SHC4: variants seen among roughly 807,000 people sequenced by gnomAD.
The protein encoded by SHC4 is SHC-transforming protein 4.
A neutral mutation model predicts 69.4 loss-of-function variants in SHC4; 41 were observed. That is an observed-to-expected ratio of 0.59 (90% CI 0.46 to 0.77). SHC4 has a LOEUF of 0.77. Among genes scored for constraint, SHC4 ranks in the 30% least tolerant of loss-of-function variants. SHC4 has a pLI of 0.00. For missense variants in SHC4, 777 were observed against 783.8 expected (o/e 0.99, Z 0.10); for synonymous variants, 318 against 299.3 (o/e 1.06, Z -0.64).
intron 3 of SHC4, among the ~76,000 whole-genome samples, chr15:48,886,775 A>T (rs945909700): frequency 6.6e-6 from 1 of 152,294 alleles, no homozygotes; most frequent in Middle Eastern, 3.4e-3. Context: ...GAATTTTGGC[A>T]ATTTTGCTGT....
At chr15:48,883,688 G>T (rs1314815905) in intron 4 of SHC4, among the ~76,000 whole-genome samples, 1 of 152,260 alleles carries the variant, frequency 6.6e-6, no homozygotes, top group Non-Finnish European at 1.5e-5. Context: ...GAGAAATGAG[G>T]TTCACAATGA....
At chr15:48,882,879 CATGTGTCTTCCAAGTGCAGCCCA>C (rs1567060843) in intron 4 of SHC4, among the ~76,000 whole-genome samples, 3 of 152,206 alleles carry the variant, frequency 2.0e-5, no homozygotes, top group African/African-American at 7.2e-5. Flanking sequence ...TCACCACCCA[CATGTGTCTTCCAAGTGCAGCCCA>C]AAATGTTATG....
intron 1 of SHC4, among the ~76,000 whole-genome samples, chr15:48,925,662 T>C (rs10851472): frequency 0.29 from 44,741 of 152,096 alleles, 6,797 homozygotes; most frequent in East Asian, 0.43. Context: ...TTGTGACTTA[T>C]AAAGCTGAAA....
chr15:48,834,855 T>C lies in SHC4; in HGVS notation c.1651A>G (p.Ser551Gly). 2 of 1,614,164 alleles carry C rather than the reference T, an allele frequency of 1.2e-6. No homozygotes were observed. The highest frequency in any genetic ancestry group is 1.7e-6 in the Non-Finnish European group (2 of 1,180,008). ...ACATATTGGCCAGGGGATGTTGCAC[T>C]CTCTCGAACCAAAAAGTCCCCATCC... is the stretch of plus-strand genomic sequence containing the variant. ...VKDGDFLVRE[S>G]ATSPGQYVLS... The change falls in exon 11 of 12, where the codon AGT becomes GGT. Residue 551 changes from serine to glycine, a missense_variant. Ser to Gly is a moderately conservative substitution (Grantham distance 56). Coordinates refer to ENST00000332408, the MANE Select transcript of SHC4 (RefSeq NM_203349.4).
intron 3 of SHC4, among the ~76,000 whole-genome samples, chr15:48,889,410 T>C (rs1022956756): frequency 4.6e-5 from 7 of 152,212 alleles, no homozygotes; most frequent in African/African-American, 1.4e-4. Context: ...AATAGAGCCC[T>C]AAGCTGGGAA....
intron 2 of SHC4, among the ~76,000 whole-genome samples, chr15:48,921,229 T>C (rs76936908): frequency 0.061 from 9,312 of 152,170 alleles, 384 homozygotes; most frequent in African/African-American, 0.11. Context: ...ATACTGTATG[T>C]TTCCACTTTT....
At chr15:48,949,671 G>C (rs1421738580) in intron 1 of SHC4, among the ~76,000 whole-genome samples, 1 of 151,636 alleles carries the variant, frequency 6.6e-6, no homozygotes, top group Admixed American at 6.6e-5. Context: ...TTCTTTTCCA[G>C]CAGCTTTTAC....
intron 2 of SHC4, among the ~76,000 whole-genome samples, chr15:48,920,573 C>T (rs1900733459): frequency 6.6e-6 from 1 of 152,022 alleles, no homozygotes; most frequent in Admixed American, 6.5e-5. Context: ...CCGCGCCCGG[C>T]CAGAGATTTT....
intron 8 of SHC4, among the ~76,000 whole-genome samples, chr15:48,852,773 G>A (rs1899240146): frequency 6.6e-6 from 1 of 151,970 alleles, no homozygotes; most frequent in Non-Finnish European, 1.5e-5. Flanking sequence ...ATGGTGGCAT[G>A]CACCTGTAAT....
At chr15:48,928,676 CT>C (rs1458080189) in intron 1 of SHC4, among the ~76,000 whole-genome samples, 4 of 152,232 alleles carry the variant, frequency 2.6e-5, no homozygotes. Flanking sequence ...TTATAACCAC[CT>C]TATCTGCTTC....
chr15:48,844,332 C>G (rs1899048555), intron 9 of SHC4, among the ~76,000 whole-genome samples: 1 of 152,124 alleles, frequency 6.6e-6, no homozygotes, highest in Non-Finnish European at 1.5e-5. Flanking sequence ...GGTTTCACAC[C>G]TCTTCAATTG....
chr15:48,852,915 A>AAAATAAAT lies in SHC4; in HGVS notation c.1243-1675_1243-1668dup, dbSNP rs35921296. Among the ~76,000 whole-genome samples the AAAATAAAT allele has an allele frequency of 8.7e-3, 1,240 of 143,028 alleles. 11 individuals carry two copies. Among genetic ancestry groups the AAAATAAAT allele is most frequent in the Middle Eastern group, 0.023 (6 of 266 alleles). 93.8% of individuals were successfully genotyped at this position (143,028 alleles called of 152,430 possible). A position where few individuals can be genotyped will look rare whatever the true frequency, so the allele number is the denominator to read the frequency against. On this transcript the variant is annotated intron_variant, in intron 8 of 11. Coordinates refer to ENST00000332408, the MANE Select transcript of SHC4 (RefSeq NM_203349.4). ...AGACTCTGTCTCAAAAAAATATATA[A>AAAATAAAT]AAATAAATAAATAAATAAATAAATA...
chr15:48,930,237 T>C (rs1298233934), intron 1 of SHC4, among the ~76,000 whole-genome samples: 1 of 152,390 alleles, frequency 6.6e-6, no homozygotes, highest in East Asian at 1.9e-4. Context: ...TTGTACTGTT[T>C]ATACAAATAA....
intron 2 of SHC4, among the ~76,000 whole-genome samples, chr15:48,905,782 T>C (rs1337131033): frequency 1.3e-5 from 2 of 152,258 alleles, no homozygotes; most frequent in Non-Finnish European, 2.9e-5. Flanking sequence ...TATTTCAACA[T>C]GGACAGATAT....
chr15:48,924,891 G>T lies in SHC4; in HGVS notation c.644C>A (p.Thr215Asn). ...SMRSLDFGMRTQVTREAISRL... is the reference protein window; with the variant it reads ...SMRSLDFGMRNQVTREAISRL... ...TTTGGCTTCTTACCTTGTAACTTGG[G>T]TTCTCATTCCAAAATCCAGTGATCT... Residue 215 changes from threonine to asparagine, a missense_variant, in exon 2 of 12, where the codon ACC becomes AAC. Coordinates refer to ENST00000332408, the MANE Select transcript of SHC4 (RefSeq NM_203349.4). The T allele has an allele frequency of 6.2e-7, 1 of 1,614,010 alleles. No homozygotes were observed. Among genetic ancestry groups the T allele is most frequent in the Non-Finnish European group, 8.5e-7 (1 of 1,180,000 alleles).
At chr15:48,842,589 C>G (rs1272701082) in intron 10 of SHC4, among the ~76,000 whole-genome samples, 1 of 152,106 alleles carries the variant, frequency 6.6e-6, no homozygotes, top group Admixed American at 6.6e-5. Context: ...AAGAAAATAG[C>G]CTTCTTGAAA....
rs759735444 is a variant in SHC4 at position 48,834,902 on chromosome 15, G to A, written c.1604C>T (p.Ala535Val). The change falls in exon 11 of 12, where the codon GCG (alanine) becomes GTG (valine). Residue 535 changes from alanine (A) to valine (V), a missense_variant. Physicochemically the swap from Ala to Val is moderately conservative, Grantham distance 64. Coordinates refer to ENST00000332408, the MANE Select transcript of SHC4 (RefSeq NM_203349.4). ...ATCCTTTACCAAGAGGCTCTCTGCC[G>A]CCTTCCTGCTCAGCTTGCCATGATA... Reference protein sequence around the residue: ...ECYHGKLSRKAAESLLVKDGD... With the variant: ...ECYHGKLSRKVAESLLVKDGD... 10 of 1,613,950 alleles carry A rather than the reference G, an allele frequency of 6.2e-6. No individual in the cohort carries two copies. In the Admixed American group the frequency reaches 6.7e-5, roughly 11 times the overall value.
At position 48,851,244 on chromosome 15, in the gene SHC4, C is replaced by T; in HGVS notation, c.1247G>A (p.Gly416Glu). ...ATATACACTGCTGCACTTGGAGTTT[C>T]CAGGCTGCATGAACAACAAATTATG... Reference protein sequence around the residue: ...IQCEKLCYLPGNSKCSSVYEN... With the variant: ...IQCEKLCYLPENSKCSSVYEN... Residue 416 changes from glycine (G) to glutamate (E), a missense_variant, in exon 9 of 12, where the codon GGA becomes GAA. Physicochemically the swap from Gly to Glu is moderately conservative, Grantham distance 98. Transcript: ENST00000332408. 2 of 1,614,000 alleles carry T rather than the reference C, an allele frequency of 1.2e-6. No individual in the cohort carries two copies. Among genetic ancestry groups the T allele is most frequent in the Non-Finnish European group, 1.7e-6 (2 of 1,179,940 alleles).
At chr15:48,925,987 A>G (rs950428013) in intron 1 of SHC4, among the ~76,000 whole-genome samples, 1 of 152,194 alleles carries the variant, frequency 6.6e-6, no homozygotes, top group Non-Finnish European at 1.5e-5. Context: ...CAGCCAGGGT[A>G]GCAGAGGGAA....
Sources: allele counts gnomAD v4.1 joint callset (sites outside exome capture counted in the v4.1 genomes callset), GRCh38; gene constraint gnomAD v4.1.1; transcripts MANE v1.5; gene names NCBI Gene and HGNC (gene_info 2026-07-23, HGNC 2026-07-21).